The following RPS6KC1 variants were observed in gnomAD, a reference collection of about 807,000 sequenced individuals.
RPS6KC1 encodes ribosomal protein S6 kinase C1.
A neutral mutation model predicts 103.8 loss-of-function variants in RPS6KC1; 54 were observed. The ratio of observed to expected loss-of-function variants is 0.52; its 90% CI spans 0.42 to 0.65. The LOEUF is 0.65. Ranked by LOEUF, RPS6KC1 falls within the 30% of genes least tolerant of loss-of-function variation. The probability of loss-of-function intolerance (pLI) is 0.00; values close to 1 mark genes in which losing one functional copy is unlikely to be tolerated. For missense variants in RPS6KC1, 1,151 were observed against 1,253.8 expected (o/e 0.92, Z 1.24); for synonymous variants, 439 against 438.7 (o/e 1.00, Z -0.01).
At chr1:213,694,615 C>T in the RPS6KC1 span, among the ~76,000 whole-genome samples, 1 of 152,142 alleles carries the variant, frequency 6.6e-6, no homozygotes, top group Non-Finnish European at 1.5e-5. Context: ...TTCAGCCTAA[C>T]TGTAGGGTCT....
At chr1:213,261,698 T>C in intron 13 of RPS6KC1, 58 bp downstream of exon 13, 1 of 1,418,586 alleles carries the variant, frequency 7.0e-7, no homozygotes, top group Non-Finnish European at 1.0e-6. Flanking sequence ...GATTTCAAAT[T>C]AAGAACATTA....
the RPS6KC1 span, among the ~76,000 whole-genome samples, chr1:213,859,764 G>A: frequency 6.6e-6 from 1 of 152,134 alleles, no homozygotes; most frequent in African/African-American, 2.4e-5. Context: ...AAAAGGGGTT[G>A]CTTTTGCTTT....
At chr1:213,174,195 G>C (rs1342547654) in intron 7 of RPS6KC1, among the ~76,000 whole-genome samples, 1 of 152,160 alleles carries the variant, frequency 6.6e-6, no homozygotes, top group East Asian at 1.9e-4. Flanking sequence ...GCAAGCTTTA[G>C]AATAGTAGTT....
At chr1:213,494,773 A>C in the RPS6KC1 span, among the ~76,000 whole-genome samples, 2 of 152,008 alleles carry the variant, frequency 1.3e-5, no homozygotes, top group South Asian at 4.1e-4. Flanking sequence ...TATGTGATAA[A>C]ATTTTTTTTG....
rs752747801 is a variant in RPS6KC1 at position 213,074,843 on chromosome 1, A to ATTTTTTTTTTTTT, written c.142-2835_142-2823dup. Among the ~76,000 whole-genome samples, 8 of 71,322 alleles carry ATTTTTTTTTTTTT rather than the reference A, an allele frequency of 1.1e-4. 2 individuals carry two copies. Among genetic ancestry groups the ATTTTTTTTTTTTT allele is most frequent in the African/African-American group, 3.6e-4 (6 of 16,570 alleles). 46.8% of individuals were successfully genotyped at this position (71,322 alleles called of 152,430 possible). A position where few individuals can be genotyped will look rare whatever the true frequency, so the allele number is the denominator to read the frequency against. ...TTTAAAAATGACTTAACTAGAATAAATTTTTTTTTTTTTTTTTTTTTTTTT... is the reference window on the plus strand; with the variant it reads ...TTTAAAAATGACTTAACTAGAATAAATTTTTTTTTTTTTTTTTTTTTTTTTTTTTTTTTTTTTT... On this transcript the variant is annotated intron_variant, in intron 2 of 14. Transcript: ENST00000366960.
chr1:213,295,454 C>T, the RPS6KC1 span, among the ~76,000 whole-genome samples: 1 of 152,086 alleles, frequency 6.6e-6, no homozygotes, highest in South Asian at 2.1e-4. Flanking sequence ...GGAGAGCTGC[C>T]AAGATATCTT....
chr1:213,516,434 C>G, the RPS6KC1 span, among the ~76,000 whole-genome samples: 1 of 152,278 alleles, frequency 6.6e-6, no homozygotes, highest in African/African-American at 2.4e-5. Flanking sequence ...GAATTTTTAG[C>G]ATGAAGGGTT....
chr1:213,204,007 C>T (rs897939047), intron 8 of RPS6KC1, among the ~76,000 whole-genome samples: 1 of 152,202 alleles, frequency 6.6e-6, no homozygotes, highest in Non-Finnish European at 1.5e-5. Flanking sequence ...TTCCAGTCCT[C>T]CAGAAGTTTC....
chr1:213,795,410 C>T, the RPS6KC1 span, among the ~76,000 whole-genome samples: 1 of 152,262 alleles, frequency 6.6e-6, no homozygotes, highest in East Asian at 1.9e-4. Flanking sequence ...AAGCCCATAG[C>T]CTTCATAGCA....
At chr1:213,579,879 C>A in the RPS6KC1 span, among the ~76,000 whole-genome samples, 1 of 152,080 alleles carries the variant, frequency 6.6e-6, no homozygotes, top group African/African-American at 2.4e-5. Flanking sequence ...TAAAAGATAC[C>A]TTTCAAAAGG....
At chr1:213,363,674 CTT>C in the RPS6KC1 span, among the ~76,000 whole-genome samples, 46 of 103,316 alleles carry the variant, frequency 4.5e-4, 7 homozygotes, top group South Asian at 7.9e-3. Flanking sequence ...TTCTTTCTTT[CTT>C]TCTTTCTTTC....
the RPS6KC1 span, among the ~76,000 whole-genome samples, chr1:213,652,784 C>G: frequency 6.6e-6 from 1 of 152,180 alleles, no homozygotes; most frequent in Admixed American, 6.5e-5. Flanking sequence ...CCAGACCCTG[C>G]AGCCCAACCC....
At chr1:213,212,314 A>G (rs2093531418) in intron 8 of RPS6KC1, among the ~76,000 whole-genome samples, 1 of 151,760 alleles carries the variant, frequency 6.6e-6, no homozygotes, top group Admixed American at 6.6e-5. Context: ...AATGTCATAT[A>G]GTTGGAATCA....
chr1:213,611,405 G>C, the RPS6KC1 span, among the ~76,000 whole-genome samples: 1 of 152,148 alleles, frequency 6.6e-6, no homozygotes, highest in South Asian at 2.1e-4. Flanking sequence ...TTGTTGGGGA[G>C]GGGTGGATAA....
At chr1:213,306,213 C>A in the RPS6KC1 span, among the ~76,000 whole-genome samples, 20 of 152,262 alleles carry the variant, frequency 1.3e-4, no homozygotes, top group African/African-American at 4.6e-4. Context: ...GGAAGTGACA[C>A]AGTTTTGTTG....
intron 8 of RPS6KC1, chr1:213,205,536 TTATATATATAGATATATATATA>T (rs1399948332): frequency 1.2e-5 from 1 of 82,292 alleles, no homozygotes; most frequent in South Asian, 4.3e-4. Context: ...ACAAACTCAT[TTATATATATAGATATATATATA>T]TATATATATT....
the RPS6KC1 span, among the ~76,000 whole-genome samples, chr1:213,833,192 C>T: frequency 4.6e-5 from 7 of 152,278 alleles, no homozygotes; most frequent in Non-Finnish European, 8.8e-5. Context: ...AAAGCATGAC[C>T]ACTTTCTTCC....
chr1:213,510,043 A>T, the RPS6KC1 span, among the ~76,000 whole-genome samples: 1 of 152,168 alleles, frequency 6.6e-6, no homozygotes, highest in Non-Finnish European at 1.5e-5. Flanking sequence ...GTTTTCTAAC[A>T]ACTTCTTGGG....
At chr1:213,214,073 C>A (rs371755382) in intron 8 of RPS6KC1, among the ~76,000 whole-genome samples, 1 of 151,516 alleles carries the variant, frequency 6.6e-6, no homozygotes, top group East Asian at 1.9e-4. Flanking sequence ...CGAAGCAGGG[C>A]GAGGCATCGC....
Sources: gnomAD v4.1 joint callset for allele counts (sites outside exome capture counted in the v4.1 genomes callset) on GRCh38, gnomAD v4.1.1 for gene constraint, MANE v1.5 for transcripts, NCBI Gene and HGNC (gene_info 2026-07-23, HGNC 2026-07-21) for gene names.